Variants in CTNNA1 observed in about 807,000 individuals in gnomAD.
CTNNA1 encodes catenin alpha-1.
CTNNA1 carries 37 observed loss-of-function variants against 98.4 expected under a neutral mutation model. That is an observed-to-expected ratio of 0.38 (90% CI 0.29 to 0.49). The LOEUF (loss-of-function observed/expected upper bound fraction) is 0.49, where lower values mean the gene tolerates loss of function less well. Ranked by LOEUF, CTNNA1 falls within the 20% of genes least tolerant of loss-of-function variation. The pLI is 0.95. For missense variants in CTNNA1, 761 were observed against 1,147.2 expected (o/e 0.66, Z 4.86); for synonymous variants, 404 against 413.2 (o/e 0.98, Z 0.27).
chr5:138,778,461 G>T (rs1754665881), intron 1 of CTNNA1, among the ~76,000 whole-genome samples: 1 of 152,172 alleles, frequency 6.6e-6, no homozygotes, highest in African/African-American at 2.4e-5. Flanking sequence ...CGTGATGTGG[G>T]TTTGTGTCCT....
chr5:138,882,266 G>C (rs886326722), intron 7 of CTNNA1, among the ~76,000 whole-genome samples: 2 of 152,294 alleles, frequency 1.3e-5, no homozygotes, highest in Admixed American at 1.3e-4. Context: ...TCTGAACGAT[G>C]GGTAGGAGTT....
At chr5:138,815,615 A>G (rs1759354287) in intron 5 of CTNNA1, among the ~76,000 whole-genome samples, 1 of 151,912 alleles carries the variant, frequency 6.6e-6, no homozygotes, top group South Asian at 2.1e-4. Flanking sequence ...GTTTTTCTGT[A>G]TTTTGTCCAT....
intron 1 of CTNNA1, among the ~76,000 whole-genome samples, chr5:138,774,788 A>AT (rs997451969): frequency 2.6e-5 from 4 of 151,846 alleles, no homozygotes; most frequent in African/African-American, 7.3e-5. Context: ...CACCCAGCTA[A>AT]TTTTTTGTAT....
chr5:138,776,103 G>C (rs1754130619), intron 1 of CTNNA1, among the ~76,000 whole-genome samples: 2 of 145,456 alleles, frequency 1.4e-5, no homozygotes, highest in African/African-American at 5.2e-5. Flanking sequence ...GGGGGATTTG[G>C]CAGGGTCACA....
At chr5:138,926,264 T>C (rs1764014863) in intron 13 of CTNNA1, among the ~76,000 whole-genome samples, 1 of 152,182 alleles carries the variant, frequency 6.6e-6, no homozygotes, top group Non-Finnish European at 1.5e-5. Flanking sequence ...CTTGTGTCCT[T>C]GGTTCAGTCC....
At chr5:138,804,036 C>G (rs1377984861) in intron 3 of CTNNA1, among the ~76,000 whole-genome samples, 1 of 152,218 alleles carries the variant, frequency 6.6e-6, no homozygotes, top group Non-Finnish European at 1.5e-5. Flanking sequence ...GTCTTCTGAT[C>G]TTGTTTTACC....
intron 9 of CTNNA1, 95 bp downstream of exon 9, chr5:138,887,737 C>T: frequency 9.8e-7 from 1 of 1,015,982 alleles, no homozygotes; most frequent in Non-Finnish European, 1.5e-6. Flanking sequence ...TTTGTAAGGG[C>T]TCGCTTAACA....
chr5:138,824,490 T>C (rs1760430713), intron 5 of CTNNA1, 40 bp from the exon 6 acceptor site: 2 of 1,603,304 alleles, frequency 1.2e-6, no homozygotes, highest in East Asian at 2.2e-5. Flanking sequence ...AAAGCCCATA[T>C]AAAGAGTGCT....
chr5:138,874,575 G>C lies in CTNNA1; in HGVS notation c.1063-11637G>C. 6.9e-7 allele frequency: 1 copy of C among 1,442,682 alleles called. No homozygotes were observed. The highest frequency in any genetic ancestry group is 9.3e-7 in the Non-Finnish European group (1 of 1,071,684). The allele number at this position is 1,442,682 out of a possible 1,614,324, so 89.4% of individuals were successfully genotyped here. On this transcript the variant is annotated intron_variant, in intron 7 of 17. Coordinates refer to ENST00000302763, the MANE Select transcript of CTNNA1 (RefSeq NM_001903.5). This position sits in a 1 kb window ranked among gnomAD's most constrained non-coding sequence, Gnocchi z 4.1. ...TGTAAGCCTGCAGAATATAATTTAA[G>C]GAAAACAAGAAGATAGGATATTTTT... is the stretch of plus-strand genomic sequence containing the variant.
Position 138,874,419 on chromosome 5 carries a change from C to T in CTNNA1, c.1063-11793C>T, listed in dbSNP as rs779344575. 7 of 1,613,738 alleles carry T rather than the reference C, an allele frequency of 4.3e-6. No homozygotes were observed. The highest frequency in any genetic ancestry group is 1.1e-5 in the South Asian group (1 of 91,060). ...GGCACTGAGTGGAAGCCCTGAGAGTCGCAGTAGAAGAGCAGCTTCTCGCAG... is the reference window on the plus strand; with the variant it reads ...GGCACTGAGTGGAAGCCCTGAGAGTTGCAGTAGAAGAGCAGCTTCTCGCAG... On this transcript the variant is annotated intron_variant, in intron 7 of 17. Transcript: ENST00000302763. The surrounding 1 kb of genome is among the most constrained non-coding windows in gnomAD (Gnocchi z 4.1).
At chr5:138,908,988 G>A (rs914212562) in intron 10 of CTNNA1, among the ~76,000 whole-genome samples, 12 of 152,010 alleles carry the variant, frequency 7.9e-5, no homozygotes, top group African/African-American at 1.9e-4. Flanking sequence ...GAATGTGCCC[G>A]TTTTAGTCTA....
intron 1 of CTNNA1, among the ~76,000 whole-genome samples, chr5:138,779,678 A>T (rs1236478894): frequency 6.6e-6 from 1 of 151,930 alleles, no homozygotes; most frequent in Non-Finnish European, 1.5e-5. Flanking sequence ...TATTTAATAG[A>T]AATAAATACT....
At chr5:138,892,378 C>T (rs182029825) in intron 9 of CTNNA1, among the ~76,000 whole-genome samples, 16 of 108,656 alleles carry the variant, frequency 1.5e-4, no homozygotes, top group Non-Finnish European at 1.3e-4. Flanking sequence ...CTTGCTCTGT[C>T]GCCCAGGCTG....
intron 3 of CTNNA1, among the ~76,000 whole-genome samples, chr5:138,790,767 T>C (rs1038026579): frequency 6.6e-6 from 1 of 152,212 alleles, no homozygotes; most frequent in African/African-American, 2.4e-5. Context: ...TATGGTAGTC[T>C]GGGAAAAGGT....
intron 3 of CTNNA1, among the ~76,000 whole-genome samples, chr5:138,786,829 A>G (rs914914390): frequency 6.6e-6 from 1 of 152,216 alleles, no homozygotes; most frequent in Middle Eastern, 3.2e-3. Flanking sequence ...CCTGACCCAT[A>G]GAAAACTCTG....
chr5:138,770,451 A>T (rs1005163894), intron 1 of CTNNA1, among the ~76,000 whole-genome samples: 2 of 152,162 alleles, frequency 1.3e-5, no homozygotes, highest in African/African-American at 4.8e-5. Context: ...GCAAACTGTC[A>T]CTTCACCCCA....
At chr5:138,802,620 G>A (rs2149709014) in intron 3 of CTNNA1, among the ~76,000 whole-genome samples, 1 of 152,290 alleles carries the variant, frequency 6.6e-6, no homozygotes, top group African/African-American at 2.4e-5. Flanking sequence ...AGGTTGCACT[G>A]TTTCAGCTTG....
intron 3 of CTNNA1, among the ~76,000 whole-genome samples, chr5:138,802,039 A>G (rs76430682): frequency 0.012 from 1,774 of 152,326 alleles, 28 homozygotes; most frequent in African/African-American, 0.041. Flanking sequence ...AAATAAGCGT[A>G]GATATTGGAT....
chr5:138,811,979 A>T, intron 4 of CTNNA1: 1 of 446,116 alleles, frequency 2.2e-6, no homozygotes, highest in Non-Finnish European at 4.1e-6. Flanking sequence ...TTGTACTTTT[A>T]GAGGCCAATA....
Sources: gnomAD v4.1 joint callset for allele counts (sites outside exome capture counted in the v4.1 genomes callset) on GRCh38, gnomAD v4.1.1 for gene constraint, Gnocchi (gnomAD v3.1) non-coding constraint, MANE v1.5 for transcripts, NCBI Gene and HGNC (gene_info 2026-07-23, HGNC 2026-07-21) for gene names.